GALNT17: variants seen among roughly 807,000 people sequenced by gnomAD.
GALNT17 encodes the protein UDP-GalNAc:polypeptide N-acetylgalactosaminyltransferase-like 3.
GALNT17 carries 29 observed loss-of-function variants against 63.7 expected under a neutral mutation model. The ratio of observed to expected loss-of-function variants is 0.46; its 90% CI spans 0.34 to 0.62. The LOEUF is 0.62. Ranked by LOEUF, GALNT17 falls within the 20% of genes least tolerant of loss-of-function variation. GALNT17 has a pLI of 0.01. For synonymous variants in GALNT17, 305 were observed against 318.3 expected (o/e 0.96, Z 0.45); for missense variants, 603 against 799.6 (o/e 0.75, Z 2.97).
chr7:71,655,239 A>T (rs889499316), intron 6 of GALNT17, among the ~76,000 whole-genome samples: 4 of 93,266 alleles, frequency 4.3e-5, no homozygotes, highest in Non-Finnish European at 9.6e-5. Flanking sequence ...TGGGAGACAG[A>T]GTGAGATCTT....
intron 5 of GALNT17, among the ~76,000 whole-genome samples, chr7:71,456,044 G>A (rs1391799979): frequency 6.6e-6 from 1 of 151,886 alleles, no homozygotes; most frequent in Non-Finnish European, 1.5e-5. Flanking sequence ...TCAGGAGTAT[G>A]AGACCAGTCT....
intron 5 of GALNT17, among the ~76,000 whole-genome samples, chr7:71,488,864 G>A (rs1317709042): frequency 7.0e-6 from 1 of 143,666 alleles, no homozygotes; most frequent in African/African-American, 2.6e-5. Flanking sequence ...TTACAGGCAT[G>A]AGCCACCGCG....
At chr7:71,165,589 T>A (rs1006706377) in intron 1 of GALNT17, among the ~76,000 whole-genome samples, 1 of 152,110 alleles carries the variant, frequency 6.6e-6, no homozygotes, top group African/African-American at 2.4e-5. Flanking sequence ...GATTCAGTTA[T>A]CTCCCACCGG....
chr7:71,613,117 G>T (rs1029305614), intron 6 of GALNT17, among the ~76,000 whole-genome samples: 4 of 152,198 alleles, frequency 2.6e-5, no homozygotes, highest in Admixed American at 2.6e-4. Flanking sequence ...ATTCCCAGCA[G>T]TTCAGGGCTG....
At chr7:71,522,749 A>G (rs929405595) in intron 5 of GALNT17, among the ~76,000 whole-genome samples, 2 of 152,186 alleles carry the variant, frequency 1.3e-5, no homozygotes, top group Non-Finnish European at 2.9e-5. Flanking sequence ...TGAGGTGGCA[A>G]CAGAAACTGG....
Position 71,712,231 on chromosome 7 carries a change from A to ACAGCAAGGG in GALNT17, c.*86_*94dup. ...CTGGACCAGCTGCCCTGGCGGAGAG[A>ACAGCAAGGG]CAGCAAGGGGCCGGCAGGTGCTCGA... On this transcript the variant is annotated 3_prime_UTR_variant, in exon 11 of 11. Coordinates refer to ENST00000333538, the MANE Select transcript of GALNT17 (RefSeq NM_022479.3). 1 of 1,542,458 alleles carries ACAGCAAGGG rather than the reference A, an allele frequency of 6.5e-7. No homozygotes were observed. The highest frequency in any genetic ancestry group is 1.2e-5 in the South Asian group (1 of 81,636).
At chr7:71,563,331 C>T (rs988078044) in intron 5 of GALNT17, among the ~76,000 whole-genome samples, 2 of 152,142 alleles carry the variant, frequency 1.3e-5, no homozygotes, top group East Asian at 1.9e-4. Context: ...GTGGTGGGGA[C>T]ACCTTGGAAG....
intron 1 of GALNT17, among the ~76,000 whole-genome samples, chr7:71,263,502 T>C (rs369144079): frequency 1.7e-4 from 26 of 152,296 alleles, no homozygotes; most frequent in East Asian, 1.4e-3. Flanking sequence ...AGCAAACAAA[T>C]ACAGGGAAGA....
At chr7:71,485,942 T>A (rs960606382) in intron 5 of GALNT17, among the ~76,000 whole-genome samples, 1 of 152,148 alleles carries the variant, frequency 6.6e-6, no homozygotes, top group East Asian at 1.9e-4. Flanking sequence ...TGGAGCAAAA[T>A]GGTGTTTTAC....
intron 5 of GALNT17, among the ~76,000 whole-genome samples, chr7:71,553,161 A>T (rs1199276244): frequency 1.3e-5 from 2 of 150,964 alleles, no homozygotes; most frequent in African/African-American, 2.4e-5. Flanking sequence ...TTTCTCTCTT[A>T]AAAAAAAATG....
At chr7:71,642,248 C>G (rs1202646755) in intron 6 of GALNT17, among the ~76,000 whole-genome samples, 1 of 152,128 alleles carries the variant, frequency 6.6e-6, no homozygotes, top group Non-Finnish European at 1.5e-5. Flanking sequence ...TATGGAAACA[C>G]CTAAAACACA....
intron 1 of GALNT17, among the ~76,000 whole-genome samples, chr7:71,254,394 A>G (rs1027418490): frequency 1.3e-5 from 2 of 152,248 alleles, no homozygotes; most frequent in South Asian, 2.1e-4. Flanking sequence ...TACAGAATGT[A>G]GATTTTCCCT....
chr7:71,361,486 A>T (rs563800726), intron 2 of GALNT17, among the ~76,000 whole-genome samples: 9 of 152,126 alleles, frequency 5.9e-5, no homozygotes, highest in African/African-American at 1.9e-4. Flanking sequence ...GTCATCTTCA[A>T]TTCAGTTCAA....
At chr7:71,672,321 T>C (rs1037346927) in intron 8 of GALNT17, among the ~76,000 whole-genome samples, 1 of 151,966 alleles carries the variant, frequency 6.6e-6, no homozygotes, top group African/African-American at 2.4e-5. Context: ...ATGAAAGAAA[T>C]AATAAAAGAA....
chr7:71,607,602 G>T (rs1790065382), intron 6 of GALNT17, among the ~76,000 whole-genome samples: 1 of 152,056 alleles, frequency 6.6e-6, no homozygotes, highest in Non-Finnish European at 1.5e-5. Context: ...CCACTGAAGA[G>T]CAAATTAACA....
intron 9 of GALNT17, among the ~76,000 whole-genome samples, chr7:71,678,511 C>G (rs1791185558): frequency 6.6e-6 from 1 of 151,728 alleles, no homozygotes; most frequent in Non-Finnish European, 1.5e-5. Context: ...AACCCCGTCT[C>G]TGTTGGCCAG....
At chr7:71,689,305 C>G (rs1791408053) in intron 9 of GALNT17, among the ~76,000 whole-genome samples, 1 of 152,092 alleles carries the variant, frequency 6.6e-6, no homozygotes, top group African/African-American at 2.4e-5. Flanking sequence ...GAAAGCTAGG[C>G]CTCTTGTGCC....
intron 6 of GALNT17, among the ~76,000 whole-genome samples, chr7:71,600,793 G>A (rs1479743221): frequency 4.6e-5 from 7 of 151,812 alleles, no homozygotes. Flanking sequence ...AGTTATTGGG[G>A]TACAGGTGGT....
At chr7:71,674,976 G>T (rs1791126816) in intron 8 of GALNT17, among the ~76,000 whole-genome samples, 1 of 152,120 alleles carries the variant, frequency 6.6e-6, no homozygotes, top group Admixed American at 6.6e-5. Context: ...ACGAGGTCAG[G>T]AGATGGAGAC....
Sources: gnomAD v4.1 joint callset for allele counts (sites outside exome capture counted in the v4.1 genomes callset) on GRCh38, gnomAD v4.1.1 for gene constraint, MANE v1.5 for transcripts, NCBI Gene and HGNC (gene_info 2026-07-23, HGNC 2026-07-21) for gene names.